Variants in CLASRP observed in about 807,000 individuals in gnomAD.
CLASRP encodes the protein CLK4-associating serine/arginine rich protein.
A neutral mutation model predicts 99.9 loss-of-function variants in CLASRP; 52 were observed. That is an observed-to-expected ratio of 0.52 (90% CI 0.42 to 0.66). The LOEUF (loss-of-function observed/expected upper bound fraction) is 0.66. CLASRP is among the 30% of genes least tolerant of loss of function. The pLI is 0.00. For synonymous variants in CLASRP, 379 were observed against 373.0 expected (o/e 1.02, Z -0.18); for missense variants, 848 against 999.2 (o/e 0.85, Z 2.04).
At chr19:45,064,272 G>A (rs1276861427) in intron 12 of CLASRP, 45 bp downstream of exon 12, 23 of 1,527,584 alleles carry the variant, frequency 1.5e-5, no homozygotes, top group Non-Finnish European at 1.9e-5. Flanking sequence ...GGTCACCATG[G>A]GGGGTACCCG....
Position 45,068,406 on chromosome 19 carries a change from T to TC in CLASRP, c.1708-8dup, listed in dbSNP as rs1779922153. ...CACCCACCCCCTCTCCCGCCTCTTCTCCCCCCTCCCCAGCCCAAGCTGACG... is the reference window on the plus strand; with the variant it reads ...CACCCACCCCCTCTCCCGCCTCTTCTCCCCCCCTCCCCAGCCCAAGCTGACG... On this transcript the variant is annotated splice_polypyrimidine_tract_variant and intron_variant, in intron 15 of 20. Transcript: ENST00000221455. 6.8e-7 allele frequency: 1 copy of TC among 1,467,570 alleles called. No homozygotes were observed. Among genetic ancestry groups the TC allele is most frequent in the East Asian group, 2.6e-5 (1 of 38,410 alleles). 90.9% of individuals were successfully genotyped at this position (1,467,570 alleles called of 1,614,324 possible).
rs1967133396 is a variant in CLASRP, at chr19:45,068,032, G to A, written c.1685G>A (p.Gly562Asp). ...CCACCCAGGACCGAACCTGCCGCTGGTAAAGAGACAGGAGCTGCCAAAGTC... is the reference window on the plus strand; with the variant it reads ...CCACCCAGGACCGAACCTGCCGCTGATAAAGAGACAGGAGCTGCCAAAGTC... ...EKLKKTEPAA[G>D]KETGAAKPKL... The change falls in exon 15 of 21, where the codon GGT becomes GAT. Residue 562 changes from glycine to aspartate, a missense_variant. By Grantham distance (94) the Gly-to-Asp change is moderately conservative. This residue lies in a region of CLASRP where 116 missense variants were observed against 162.7 expected (regional missense o/e 0.71). Transcript: ENST00000221455. 6.2e-7 allele frequency: 1 copy of A among 1,613,940 alleles called. No individual in the cohort carries two copies. Among genetic ancestry groups the A allele is most frequent in the Non-Finnish European group, 8.5e-7 (1 of 1,179,862 alleles).
intron 11 of CLASRP, among the ~76,000 whole-genome samples, chr19:45,062,492 C>A (rs1966963224): frequency 6.6e-6 from 1 of 152,214 alleles, no homozygotes; most frequent in Non-Finnish European, 1.5e-5. Context: ...ATTCTCCTGC[C>A]TCAGCCTCCT....
chr19:45,051,532 C>A (rs935457227), intron 2 of CLASRP, among the ~76,000 whole-genome samples: 2 of 152,066 alleles, frequency 1.3e-5, no homozygotes, highest in Non-Finnish European at 2.9e-5. Flanking sequence ...TCTGGAACTC[C>A]TGACTTCAGA....
chr19:45,051,337 G>T (rs1210143631), intron 2 of CLASRP, among the ~76,000 whole-genome samples: 1 of 151,820 alleles, frequency 6.6e-6, no homozygotes, highest in Admixed American at 6.6e-5. Context: ...TTTTTGAGAT[G>T]GAGTCTTGCT....
intron 2 of CLASRP, 177 bp downstream of exon 2, chr19:45,040,488 T>C (rs1971791441): frequency 1.9e-6 from 1 of 525,268 alleles, no homozygotes; most frequent in South Asian, 2.0e-5. Flanking sequence ...GGCTTCTGTT[T>C]GTTGTAGCAT....
In CLASRP at chr19:45,040,512, G is replaced by C. The variant is rs1017944459; in HGVS notation, c.99+201G>C. On this transcript the variant is annotated intron_variant, in intron 2 of 20. Coordinates refer to ENST00000221455, the MANE Select transcript of CLASRP (RefSeq NM_007056.3). ...TTGTTGTAGCATACTGTGTCGTTTG[G>C]TGTGGCCTCCCAGTGCCGATCCGGT... 6 of 477,514 alleles carry C rather than the reference G, an allele frequency of 1.3e-5. No homozygotes were observed. In the East Asian group the frequency reaches 2.3e-4, roughly 19 times the overall value. The allele number at this position is 477,514 out of a possible 1,614,324, so 29.6% of individuals were successfully genotyped here. A position where few individuals can be genotyped will look rare whatever the true frequency, so the allele number is the denominator to read the frequency against.
chr19:45,069,341 C>T, intron 18 of CLASRP, 93 bp downstream of exon 18: 1 of 1,298,992 alleles, frequency 7.7e-7, no homozygotes, highest in Admixed American at 1.8e-5. Context: ...TGCCCAGCTC[C>T]CTGTGGGTGG....
rs112069755 is a variant in CLASRP at position 45,057,963 on chromosome 19, C to T, written c.613+65C>T. The T allele has an allele frequency of 1.3e-5, 20 of 1,596,962 alleles. No homozygotes were observed. The East Asian group carries it at 3.6e-4, about 29-fold the overall frequency. On this transcript the variant is annotated intron_variant, in intron 7 of 20. Transcript: ENST00000221455. Reference sequence around the variant, plus strand: ...GGCATCGTTTCTGTGTCTCGTCCCTCACCCTCTGTGGGGCACCCCGTGCTT... The same window carrying T: ...GGCATCGTTTCTGTGTCTCGTCCCTTACCCTCTGTGGGGCACCCCGTGCTT...
chr19:45,067,402 G>A lies in CLASRP; in HGVS notation c.1475G>A (p.Ser492Asn), dbSNP rs930226614. 4 of 1,533,880 alleles carry A rather than the reference G, an allele frequency of 2.6e-6. No homozygotes were observed. In the African/African-American group the frequency reaches 5.5e-5, roughly 21 times the overall value. ...GGRGLRHHSS[S>N]RSRSSWSLSP... The stretch of plus-strand genomic sequence containing the variant: ...CGGGGCCTCAGGCACCACAGCAGTA[G>A]CCGCAGCCGCAGCAGCTGGTCCCTC... The change falls in exon 14 of 21, where the codon AGC (serine) becomes AAC (asparagine). Residue 492 changes from serine to asparagine, a missense_variant. Ser to Asn is a conservative substitution (Grantham distance 46). This residue lies in a region of CLASRP where 489 missense variants were observed against 434.7 expected (regional missense o/e 1.12). Transcript: ENST00000221455. This position sits in a 1 kb window ranked among gnomAD's most constrained non-coding sequence, Gnocchi z 4.9.
At chr19:45,063,380 T>A (rs1301041775) in intron 11 of CLASRP, among the ~76,000 whole-genome samples, 2 of 151,296 alleles carry the variant, frequency 1.3e-5, no homozygotes, top group Admixed American at 6.6e-5. Flanking sequence ...CCTCCCAGAT[T>A]ATCCATGTAT....
intron 2 of CLASRP, among the ~76,000 whole-genome samples, chr19:45,041,830 A>G (rs974827956): frequency 1.3e-5 from 2 of 152,164 alleles, no homozygotes; most frequent in African/African-American, 4.8e-5. Flanking sequence ...CCTTTGCACA[A>G]GTCATTTTGG....
Position 45,069,966 on chromosome 19 carries a change from C to T in CLASRP, c.1875-56C>T, listed in dbSNP as rs377167945. On this transcript the variant is annotated intron_variant, in intron 18 of 20. Coordinates refer to ENST00000221455, the MANE Select transcript of CLASRP (RefSeq NM_007056.3). ...TAGGGTGTTGGAAGCACCTGCCCTC[C>T]CTGAGTTCAGTGTGTCCAGTGTTCC... 2.0e-5 allele frequency: 20 copies of T among 987,290 alleles called. No homozygotes were observed. The African/African-American group carries it at 2.7e-4, about 13-fold the overall frequency. The allele number at this position is 987,290 out of a possible 1,614,324, so 61.2% of individuals were successfully genotyped here.
chr19:45,055,499 C>T (rs2034745964), intron 5 of CLASRP, among the ~76,000 whole-genome samples: 1 of 152,212 alleles, frequency 6.6e-6, no homozygotes, highest in South Asian at 2.1e-4. Context: ...TGCTACATCC[C>T]CTTCTGGCCT....
Position 45,067,342 on chromosome 19 carries a change from G to T in CLASRP, c.1415G>T (p.Arg472Leu). Residue 472 changes from arginine to leucine, a missense_variant, in exon 14 of 21, where the codon CGC (arginine) becomes CTC (leucine). Coordinates refer to ENST00000221455, the MANE Select transcript of CLASRP (RefSeq NM_007056.3). The surrounding 1 kb of genome is among the most constrained non-coding windows in gnomAD (Gnocchi z 4.9). ...GYGPRRRSRS[R>L]SHSGDRYRRG... ...CCGCCCTGCTGCATCCCCAGGAGCC[G>T]CTCCCACTCAGGGGACCGCTACAGG... 1 of 1,511,244 alleles carries T rather than the reference G, an allele frequency of 6.6e-7. No individual in the cohort carries two copies. Among genetic ancestry groups the T allele is most frequent in the Non-Finnish European group, 8.8e-7 (1 of 1,134,088 alleles). 93.6% of individuals were successfully genotyped at this position (1,511,244 alleles called of 1,614,324 possible).
In CLASRP at chr19:45,069,144, G is replaced by C. The variant is rs748001657; in HGVS notation, c.1827+20G>C. On this transcript the variant is annotated intron_variant, in intron 17 of 20. Coordinates refer to ENST00000221455, the MANE Select transcript of CLASRP (RefSeq NM_007056.3). The stretch of plus-strand genomic sequence containing the variant: ...CGGCAGGTGAAGTGGGAAAGGGAGG[G>C]CTGGGGTGACGGGTGGGTGCTGGCC... 2 of 1,614,030 alleles carry C rather than the reference G, an allele frequency of 1.2e-6. No homozygotes were observed. The highest frequency in any genetic ancestry group is 8.5e-7 in the Non-Finnish European group (1 of 1,179,886).
intron 2 of CLASRP, among the ~76,000 whole-genome samples, chr19:45,042,527 A>ATATATATATG (rs202206503): frequency 4.6e-5 from 7 of 151,554 alleles, no homozygotes; most frequent in African/African-American, 1.5e-4. Flanking sequence ...ATATATATAT[A>ATATATATATG]TGTGTGTGTA....
Position 45,064,589 on chromosome 19 carries a change from G to T in CLASRP, c.1368G>T (p.Ser456=). ...GSRDGHRYSR[S]PARRGGYGPR... Reference sequence around the variant, plus strand: ...GAGACGGACACCGGTACTCCCGCTCGCCCGCCCGGCGTGGTGGTTACGGGC... The same window carrying T: ...GAGACGGACACCGGTACTCCCGCTCTCCCGCCCGGCGTGGTGGTTACGGGC... Residue 456 remains serine, a synonymous_variant, in exon 13 of 21, where the codon TCG becomes TCT. Coordinates refer to ENST00000221455, the MANE Select transcript of CLASRP (RefSeq NM_007056.3). 6.5e-7 allele frequency: 1 copy of T among 1,545,572 alleles called. No homozygotes were observed. Among genetic ancestry groups the T allele is most frequent in the Non-Finnish European group, 8.7e-7 (1 of 1,150,798 alleles).
At chr19:45,039,286 G>A (rs1421796035) in intron 1 of CLASRP, among the ~76,000 whole-genome samples, 178 bp downstream of exon 1, 1 of 151,986 alleles carries the variant, frequency 6.6e-6, no homozygotes, top group Non-Finnish European at 1.5e-5. Context: ...TGCCCCGGCT[G>A]TGGGCCAGAA....
Sources: allele counts gnomAD v4.1 joint callset (sites outside exome capture counted in the v4.1 genomes callset), GRCh38; gene constraint gnomAD v4.1.1; regional missense constraint gnomAD v4.1.1; non-coding constraint Gnocchi (gnomAD v3.1); transcripts MANE v1.5; gene names NCBI Gene and HGNC (gene_info 2026-07-23, HGNC 2026-07-21).